Variants in CSMD1 observed in about 807,000 individuals in gnomAD.
The protein encoded by CSMD1 is CUB and Sushi multiple domains 1, also known as CUB and sushi domain-containing protein 1.
Under a neutral mutation model 417.5 loss-of-function variants are expected in CSMD1, and 213 were observed. The observed-to-expected ratio is 0.51, with a 90% confidence interval of 0.46 to 0.57. The LOEUF is 0.57. Among genes scored for constraint, CSMD1 ranks in the 20% least tolerant of loss-of-function variants. CSMD1 has a pLI of 0.00. For synonymous variants in CSMD1, 2,862 were observed against 1,736.8 expected (o/e 1.65, Z -16.11); for missense variants, 6,923 against 4,529.7 (o/e 1.53, Z -15.17).
chr8:4,766,765 G>A (rs755034521), intron 1 of CSMD1, among the ~76,000 whole-genome samples: 2 of 152,110 alleles, frequency 1.3e-5, no homozygotes, highest in South Asian at 4.1e-4. Context: ...GATTTATGAA[G>A]GTTTGTACGC....
intron 1 of CSMD1, among the ~76,000 whole-genome samples, chr8:4,668,698 C>T (rs979348171): frequency 6.6e-6 from 1 of 151,948 alleles, no homozygotes; most frequent in Non-Finnish European, 1.5e-5. Context: ...GATCTCCCCG[C>T]GTCAGCCTCC....
At chr8:3,231,478 T>C (rs1188858460) in intron 26 of CSMD1, among the ~76,000 whole-genome samples, 6 of 152,172 alleles carry the variant, frequency 3.9e-5, no homozygotes, top group Non-Finnish European at 4.4e-5. Context: ...GTTTTGTAAA[T>C]TCTGAAGCAT....
intron 2 of CSMD1, among the ~76,000 whole-genome samples, chr8:4,426,212 A>G (rs1797544316): frequency 6.6e-6 from 1 of 151,966 alleles, no homozygotes; most frequent in South Asian, 2.1e-4. Flanking sequence ...GAAGCCTTTT[A>G]TCTATAGTTA....
At chr8:3,324,396 T>C (rs11776497) in intron 23 of CSMD1, among the ~76,000 whole-genome samples, 13,578 of 124,118 alleles carry the variant, frequency 0.11, 675 homozygotes, top group East Asian at 0.34. Flanking sequence ...TCCTTCCCCC[T>C]ACCTTTGGTC....
intron 12 of CSMD1, among the ~76,000 whole-genome samples, chr8:3,420,582 C>G (rs1422101718): frequency 6.6e-6 from 1 of 151,970 alleles, no homozygotes; most frequent in Non-Finnish European, 1.5e-5. Flanking sequence ...TGCAACTTTT[C>G]TTTAAACCTA....
intron 1 of CSMD1, among the ~76,000 whole-genome samples, chr8:4,721,284 G>T (rs1040770545): frequency 6.6e-6 from 1 of 152,118 alleles, no homozygotes; most frequent in Non-Finnish European, 1.5e-5. Flanking sequence ...CATATAGAAA[G>T]AAGAAATAAA....
chr8:4,780,701 C>T (rs918554112), intron 1 of CSMD1, among the ~76,000 whole-genome samples: 2 of 152,094 alleles, frequency 1.3e-5, no homozygotes, highest in Non-Finnish European at 2.9e-5. Flanking sequence ...TGTATGTTGT[C>T]TTTTATTTCT....
intron 3 of CSMD1, among the ~76,000 whole-genome samples, chr8:4,127,712 TAAGA>T (rs1362127533): frequency 6.6e-6 from 1 of 152,214 alleles, no homozygotes; most frequent in Admixed American, 6.5e-5. Context: ...TGAATAAATT[TAAGA>T]AAGGTATATT....
At chr8:4,342,249 G>A (rs941602885) in intron 3 of CSMD1, among the ~76,000 whole-genome samples, 1 of 17,356 alleles carries the variant, frequency 5.8e-5, no homozygotes, top group Non-Finnish European at 1.1e-4. Context: ...GTGTGTGTGT[G>A]TCTCTGTATG....
At chr8:3,918,244 T>TTTG (rs889734901) in intron 5 of CSMD1, among the ~76,000 whole-genome samples, 6 of 151,906 alleles carry the variant, frequency 3.9e-5, no homozygotes, top group South Asian at 4.2e-4. Context: ...TATGGTAGGT[T>TTTG]TTGTTGTTGT....
At chr8:3,502,418 G>C (rs370809091) in intron 10 of CSMD1, among the ~76,000 whole-genome samples, 1 of 150,186 alleles carries the variant, frequency 6.7e-6, no homozygotes, top group South Asian at 2.1e-4. Context: ...GCACATGTAC[G>C]TTTATAGCAA....
At chr8:4,539,861 C>G (rs910169878) in intron 2 of CSMD1, among the ~76,000 whole-genome samples, 1 of 152,102 alleles carries the variant, frequency 6.6e-6, no homozygotes, top group African/African-American at 2.4e-5. Context: ...TTCTGGGTCA[C>G]CTTCTGCCTC....
chr8:3,652,232 G>A (rs746925382), intron 7 of CSMD1, among the ~76,000 whole-genome samples: 1 of 150,012 alleles, frequency 6.7e-6, no homozygotes, highest in Non-Finnish European at 1.5e-5. Flanking sequence ...ATCACCACCA[G>A]AGCGCCTACC....
chr8:2,994,145 C>CAAAAAAAAAA (rs35438493), intron 54 of CSMD1, among the ~76,000 whole-genome samples: 6 of 30,520 alleles, frequency 2.0e-4, no homozygotes, highest in African/African-American at 9.5e-4. Context: ...AACTCCATCT[C>CAAAAAAAAAA]AAAAAAAAAA....
intron 46 of CSMD1, among the ~76,000 whole-genome samples, chr8:3,101,446 G>A (rs192722379): frequency 1.1e-4 from 16 of 152,024 alleles, no homozygotes; most frequent in Middle Eastern, 3.4e-3. Context: ...TTTTTGAGAC[G>A]GAGTCTCGCT....
chr8:4,166,353 T>C (rs1382488630), intron 3 of CSMD1, among the ~76,000 whole-genome samples: 8 of 152,222 alleles, frequency 5.3e-5, no homozygotes, highest in African/African-American at 1.9e-4. Flanking sequence ...ATTATACACC[T>C]ACAGCACATG....
intron 3 of CSMD1, among the ~76,000 whole-genome samples, chr8:4,392,004 C>A (rs1803880086): frequency 6.6e-6 from 1 of 152,130 alleles, no homozygotes; most frequent in African/African-American, 2.4e-5. Context: ...AGCATCAATC[C>A]TAAACTTGTG....
chr8:3,792,066 C>T (rs954157105), intron 5 of CSMD1, among the ~76,000 whole-genome samples: 97 of 152,234 alleles, frequency 6.4e-4, no homozygotes, highest in African/African-American at 2.3e-3. Flanking sequence ...AACCAAATCT[C>T]TATGTTTTCC....
chr8:4,434,833 C>G (rs1798064686), intron 2 of CSMD1, among the ~76,000 whole-genome samples: 1 of 152,158 alleles, frequency 6.6e-6, no homozygotes, highest in Admixed American at 6.5e-5. Context: ...CTCAACCATC[C>G]ATAGCTGTCT....
Sources: gnomAD v4.1 joint callset for allele counts (sites outside exome capture counted in the v4.1 genomes callset) on GRCh38, gnomAD v4.1.1 for gene constraint, MANE v1.5 for transcripts, NCBI Gene and HGNC (gene_info 2026-07-23, HGNC 2026-07-21) for gene names.